The following EIF4ENIF1 variants were observed in gnomAD, a reference collection of about 807,000 sequenced individuals.
The protein encoded by EIF4ENIF1 is eukaryotic translation initiation factor 4E transporter.
A neutral mutation model predicts 110.5 loss-of-function variants in EIF4ENIF1; 23 were observed. The ratio of observed to expected loss-of-function variants is 0.21; its 90% CI spans 0.15 to 0.29. The LOEUF is 0.29. Among genes scored for constraint, EIF4ENIF1 ranks in the 10% least tolerant of loss-of-function variants. The pLI, the probability that EIF4ENIF1 is intolerant of heterozygous loss-of-function variation, is 1.00. For synonymous variants in EIF4ENIF1, 440 were observed against 437.0 expected (o/e 1.01, Z -0.09); for missense variants, 1,031 against 1,221.1 (o/e 0.84, Z 2.32).
chr22:31,472,756 G>A (rs1183577205), intron 2 of EIF4ENIF1, among the ~76,000 whole-genome samples: 1 of 152,074 alleles, frequency 6.6e-6, no homozygotes, highest in Admixed American at 6.6e-5. Context: ...TATAAACTGT[G>A]TAATGATCAA....
chr22:31,441,393 A>G (rs1173009083), intron 17 of EIF4ENIF1, among the ~76,000 whole-genome samples: 1 of 151,378 alleles, frequency 6.6e-6, no homozygotes, highest in Non-Finnish European at 1.5e-5. Context: ...AAAATAAATT[A>G]TCCGGGTGTG....
intron 10 of EIF4ENIF1, 49 bp downstream of exon 10, chr22:31,454,095 G>C (rs752026429): frequency 6.5e-7 from 1 of 1,533,704 alleles, no homozygotes. Flanking sequence ...GTGGGAAAAA[G>C]AAGAAAAAAA....
At chr22:31,477,933 T>G (rs1216404114) in intron 2 of EIF4ENIF1, among the ~76,000 whole-genome samples, 3 of 152,222 alleles carry the variant, frequency 2.0e-5, no homozygotes, top group African/African-American at 7.2e-5. Context: ...TTTGAAACCA[T>G]ATGGAAAATG....
intron 2 of EIF4ENIF1, among the ~76,000 whole-genome samples, chr22:31,484,761 GGCGGAGGTTGCGGTGA>G (rs988973933): frequency 1.5e-3 from 231 of 152,254 alleles, no homozygotes; most frequent in African/African-American, 5.0e-3. Context: ...TTGAACCTGG[GGCGGAGGTTGCGGTGA>G]GCGGAGATGG....
At chr22:31,459,962 G>C (rs2050940279) in intron 6 of EIF4ENIF1, among the ~76,000 whole-genome samples, 1 of 152,220 alleles carries the variant, frequency 6.6e-6, no homozygotes, top group Non-Finnish European at 1.5e-5. Flanking sequence ...CTTGATACAA[G>C]AATGGTTGAA....
chr22:31,440,894 T>TGA, intron 17 of EIF4ENIF1, 26 bp from the exon 18 acceptor site: 1 of 1,613,030 alleles, frequency 6.2e-7, no homozygotes, highest in Non-Finnish European at 8.5e-7. Flanking sequence ...AGCAAGCAGC[T>TGA]GAGTAGTCTT....
Position 31,439,726 on chromosome 22 carries a change from T to C in EIF4ENIF1, c.*154A>G, listed in dbSNP as rs2050233299. On this transcript the variant is annotated 3_prime_UTR_variant, in exon 19 of 19. Coordinates refer to ENST00000330125, the MANE Select transcript of EIF4ENIF1 (RefSeq NM_019843.4). ...CACTCGACTGGTTAAGATCCTTCCATCATAATGCGGACCACACCAGATGCA... is the reference window on the plus strand; with the variant it reads ...CACTCGACTGGTTAAGATCCTTCCACCATAATGCGGACCACACCAGATGCA... 8 of 1,063,066 alleles carry C rather than the reference T, an allele frequency of 7.5e-6. No homozygotes were observed. The highest frequency in any genetic ancestry group is 1.1e-5 in the Non-Finnish European group (8 of 757,368). The allele number at this position is 1,063,066 out of a possible 1,614,324, so 65.9% of individuals were successfully genotyped here.
In EIF4ENIF1 at chr22:31,447,556, G is replaced by C; in HGVS notation, c.1858C>G (p.Leu620Val). The change falls in exon 14 of 19, where the codon CTG becomes GTG. Residue 620 changes from leucine (L) to valine (V), a missense_variant. This residue lies in a region of EIF4ENIF1 where 704 missense variants were observed against 879.7 expected (regional missense o/e 0.80). Transcript: ENST00000330125. Reference sequence around the variant, plus strand: ...TCTAAAGCTGCCTGTTGCAACTCCAGCTGGCTCATCTGCTGAAAAGGAGAG... The same window carrying C: ...TCTAAAGCTGCCTGTTGCAACTCCACCTGGCTCATCTGCTGAAAAGGAGAG... ...MSPITAQMSQ[L>V]ELQQAALEGL... The C allele has an allele frequency of 6.2e-7, 1 of 1,603,976 alleles. No homozygotes were observed.
chr22:31,445,829 A>G (rs768142734), intron 14 of EIF4ENIF1, among the ~76,000 whole-genome samples: 11 of 152,182 alleles, frequency 7.2e-5, no homozygotes, highest in Non-Finnish European at 1.5e-4. Flanking sequence ...GGGAGGACCT[A>G]AGAGGCTGAT....
intron 2 of EIF4ENIF1, among the ~76,000 whole-genome samples, chr22:31,478,464 C>T (rs2051673858): frequency 7.4e-6 from 1 of 134,298 alleles, no homozygotes; most frequent in African/African-American, 2.9e-5. Flanking sequence ...TGTAGTGAGC[C>T]GAGATCATGC....
intron 13 of EIF4ENIF1, 118 bp from the exon 14 acceptor site, chr22:31,447,683 G>T: frequency 9.1e-7 from 1 of 1,100,608 alleles, no homozygotes. Flanking sequence ...ATTAGATACT[G>T]CGAAACTGAC....
chr22:31,444,720 C>T (rs1436689641), intron 14 of EIF4ENIF1, 30 bp from the exon 15 acceptor site: 4 of 1,604,116 alleles, frequency 2.5e-6, no homozygotes, highest in Middle Eastern at 3.3e-4. Flanking sequence ...CAGCATGAAC[C>T]CCAATCTGCT....
At chr22:31,446,218 G>T (rs2050470056) in intron 14 of EIF4ENIF1, among the ~76,000 whole-genome samples, 1 of 144,006 alleles carries the variant, frequency 6.9e-6, no homozygotes, top group African/African-American at 2.6e-5. Flanking sequence ...CCAGGAGGAG[G>T]AGGTTGCAGT....
At chr22:31,472,020 C>G in intron 2 of EIF4ENIF1, 103 bp from the exon 3 acceptor site, 1 of 869,296 alleles carries the variant, frequency 1.2e-6, no homozygotes, top group Non-Finnish European at 1.8e-6. Flanking sequence ...AAACACTTCA[C>G]ACAATTCTTA....
rs1321247993 is a variant in EIF4ENIF1, at chr22:31,449,538, G to A, written c.1585-7C>T. 6.2e-7 allele frequency: 1 copy of A among 1,607,808 alleles called. No homozygotes were observed. Among genetic ancestry groups the A allele is most frequent in the Admixed American group, 1.7e-5 (1 of 58,180 alleles). On this transcript the variant is annotated splice_polypyrimidine_tract_variant and splice_region_variant and intron_variant, in intron 11 of 18. Coordinates refer to ENST00000330125, the MANE Select transcript of EIF4ENIF1 (RefSeq NM_019843.4). Reference sequence around the variant, plus strand: ...CTGGTTGACCCAGAAGTTCCTAAAGGCAGAAAAGCCAAATCCCTGTGAACT... The same window carrying A: ...CTGGTTGACCCAGAAGTTCCTAAAGACAGAAAAGCCAAATCCCTGTGAACT...
Position 31,466,983 on chromosome 22 carries a change from T to C in EIF4ENIF1, c.298+1192A>G, listed in dbSNP as rs181414429. Among the ~76,000 whole-genome samples, 789 of 152,286 alleles carry C rather than the reference T, an allele frequency of 5.2e-3. 5 individuals are homozygous for C. Among genetic ancestry groups the C allele is most frequent in the African/African-American group, 0.018 (747 of 41,556 alleles). Reference sequence around the variant, plus strand: ...ACAGAATTTCTGTGCAGTCTGTTTTTTCCAAACACAGGATACAATATGGAG... The same window carrying C: ...ACAGAATTTCTGTGCAGTCTGTTTTCTCCAAACACAGGATACAATATGGAG... On this transcript the variant is annotated intron_variant, in intron 4 of 18. Coordinates refer to ENST00000330125, the MANE Select transcript of EIF4ENIF1 (RefSeq NM_019843.4).
At chr22:31,489,891 C>T (rs1452039632), upstream of EIF4ENIF1, 2 of 152,090 alleles carry the variant, frequency 1.3e-5, no homozygotes, top group Non-Finnish European at 1.5e-5. Flanking sequence ...CCCTTAATAA[C>T]TCCCTCCACG....
intron 14 of EIF4ENIF1, among the ~76,000 whole-genome samples, chr22:31,445,642 A>G (rs2050438462): frequency 6.6e-6 from 1 of 152,204 alleles, no homozygotes; most frequent in Non-Finnish European, 1.5e-5. Context: ...AGCAGTGAAT[A>G]AAAGAAAAAT....
chr22:31,453,375 A>AT, intron 10 of EIF4ENIF1: 2 of 355,804 alleles, frequency 5.6e-6, no homozygotes, highest in Non-Finnish European at 5.5e-6. Flanking sequence ...AACCCATCTT[A>AT]CTTTTTTTTT....
Sources: allele counts gnomAD v4.1 joint callset (sites outside exome capture counted in the v4.1 genomes callset), GRCh38; gene constraint gnomAD v4.1.1; regional missense constraint gnomAD v4.1.1; transcripts MANE v1.5; gene names NCBI Gene and HGNC (gene_info 2026-07-23, HGNC 2026-07-21).